KLRG1: variants seen among roughly 807,000 people sequenced by gnomAD.
KLRG1 encodes killer cell lectin-like receptor subfamily G member 1.
In KLRG1, 16 loss-of-function variants were observed where a neutral mutation model predicts 21.8. The observed-to-expected ratio is 0.73, with a 90% CI of 0.50 to 1.11. KLRG1 has a LOEUF of 1.11. Ranked by LOEUF, KLRG1 falls within the 50% of genes most tolerant of loss-of-function variation. The probability of loss-of-function intolerance (pLI) is 0.00; values close to 1 mark genes in which losing one functional copy is unlikely to be tolerated. For synonymous variants in KLRG1, 69 were observed against 75.9 expected (o/e 0.91, Z 0.47); for missense variants, 173 against 218.3 (o/e 0.79, Z 1.31).
the KLRG1 span, among the ~76,000 whole-genome samples, chr12:9,180,796 A>G: frequency 1.3e-5 from 2 of 152,248 alleles, no homozygotes; most frequent in African/African-American, 4.8e-5. Context: ...CAAAATTGAC[A>G]AATGGGATCT....
the KLRG1 span, chr12:9,166,223 C>T: frequency 3.4e-5 from 54 of 1,605,366 alleles, no homozygotes; most frequent in South Asian, 1.8e-4. Context: ...AGAAAATTGT[C>T]TAGTTAGGGA....
At chr12:9,094,196 G>A in the KLRG1 span, among the ~76,000 whole-genome samples, 25 of 151,956 alleles carry the variant, frequency 1.6e-4, no homozygotes, top group African/African-American at 6.0e-4. Flanking sequence ...CAGTTTACAG[G>A]AGGGAAAAGT....
At chr12:9,040,448 G>A in the KLRG1 span, among the ~76,000 whole-genome samples, 2 of 152,118 alleles carry the variant, frequency 1.3e-5, no homozygotes, top group South Asian at 4.1e-4. Context: ...TCTATAAGAA[G>A]GACACTTTCA....
chr12:9,041,319 G>T, the KLRG1 span, among the ~76,000 whole-genome samples: 1 of 152,150 alleles, frequency 6.6e-6, no homozygotes, highest in Non-Finnish European at 1.5e-5. Context: ...TGGCGAAAGC[G>T]TGAAACTCCA....
chr12:8,960,962 C>G (rs1173970256), intron 1 of KLRG1, among the ~76,000 whole-genome samples: 2 of 152,086 alleles, frequency 1.3e-5, no homozygotes, highest in Non-Finnish European at 2.9e-5. Flanking sequence ...AAATTTCTAC[C>G]CTGATTATCA....
chr12:9,098,883 A>G, the KLRG1 span: 1 of 1,007,160 alleles, frequency 9.9e-7, no homozygotes, highest in Non-Finnish European at 1.4e-6. Flanking sequence ...GAGGGTTGGC[A>G]TTGTGTCAAT....
chr12:9,118,222 G>C, the KLRG1 span, among the ~76,000 whole-genome samples: 1 of 152,282 alleles, frequency 6.6e-6, no homozygotes, highest in African/African-American at 2.4e-5. Context: ...TTTAATAATA[G>C]AACTCCCGAT....
the KLRG1 span, among the ~76,000 whole-genome samples, chr12:9,183,612 G>A: frequency 6.6e-5 from 10 of 152,098 alleles, no homozygotes; most frequent in Non-Finnish European, 1.0e-4. Flanking sequence ...ATGTAGCCCA[G>A]GCTGGTCCCA....
the KLRG1 span, chr12:9,170,265 A>G: frequency 1.1e-4 from 16 of 152,184 alleles, no homozygotes; most frequent in African/African-American, 3.4e-4. The surrounding 1 kb of genome is among the most constrained non-coding windows in gnomAD (Gnocchi z 4.6). Context: ...ATTTCTCCCA[A>G]GGATCTCTGC....
At chr12:9,196,543 A>G in the KLRG1 span, 12 of 1,576,616 alleles carry the variant, frequency 7.6e-6, no homozygotes, top group Non-Finnish European at 1.0e-5. Flanking sequence ...CTATTGTTTT[A>G]TTTCCCATAT....
chr12:8,978,645 TTTCTTTC>T (rs1460454080), intron 1 of KLRG1, among the ~76,000 whole-genome samples: 2 of 19,728 alleles, frequency 1.0e-4, no homozygotes, highest in Non-Finnish European at 4.4e-4. Context: ...CTTTCTTTTC[TTTCTTTC>T]TTTCTTTCTT....
chr12:9,022,192 A>G, the KLRG1 span, among the ~76,000 whole-genome samples: 1 of 152,208 alleles, frequency 6.6e-6, no homozygotes, highest in Non-Finnish European at 1.5e-5. Flanking sequence ...GTTTATTATC[A>G]TTATGAAGTA....
downstream of KLRG1, among the ~76,000 whole-genome samples, chr12:9,013,393 A>G (rs772428595): frequency 6.2e-4 from 94 of 152,358 alleles, 1 homozygote; most frequent in African/African-American, 2.2e-3. Context: ...ACCAATGACC[A>G]ATGCCAGAAT....
At chr12:9,180,894 C>A in the KLRG1 span, 1 of 1,427,672 alleles carries the variant, frequency 7.0e-7, no homozygotes. Flanking sequence ...TTTTCGCAAC[C>A]TACTCATCTG....
chr12:9,112,483 T>C, the KLRG1 span: 4 of 1,613,830 alleles, frequency 2.5e-6, no homozygotes, highest in Non-Finnish European at 3.4e-6. Context: ...GGGTTGGTCC[T>C]TTCACTTGGA....
the KLRG1 span, chr12:9,110,462 A>G: frequency 5.8e-6 from 3 of 517,140 alleles, no homozygotes; most frequent in Non-Finnish European, 9.9e-6. Context: ...TTAATTGTAC[A>G]TTTAAAAATA....
At chr12:8,988,641 T>G (rs980498045), upstream of KLRG1, among the ~76,000 whole-genome samples, 1 of 152,084 alleles carries the variant, frequency 6.6e-6, no homozygotes, top group African/African-American at 2.4e-5. Context: ...AGTACAATGG[T>G]GCAGTCTCGG....
the KLRG1 span, chr12:9,066,256 G>C: frequency 1.3e-5 from 2 of 152,458 alleles, no homozygotes; most frequent in African/African-American, 4.8e-5. Flanking sequence ...CTGGCCCTCG[G>C]AGAAGCCCAG....
the KLRG1 span, among the ~76,000 whole-genome samples, chr12:9,094,374 T>C: frequency 7.1e-4 from 99 of 139,636 alleles, no homozygotes; most frequent in African/African-American, 2.4e-3. Context: ...TATATATATA[T>C]ACCTATACAT....
Sources: allele counts gnomAD v4.1 joint callset (sites outside exome capture counted in the v4.1 genomes callset), GRCh38; gene constraint gnomAD v4.1.1; non-coding constraint Gnocchi (gnomAD v3.1); transcripts MANE v1.5; gene names NCBI Gene and HGNC (gene_info 2026-07-23, HGNC 2026-07-21).